Variants in CELF2 observed in about 807,000 individuals in gnomAD.
CELF2 encodes CUGBP Elav-like family member 2, also known as CUG triplet repeat RNA-binding protein 2.
CELF2 carries 8 observed loss-of-function variants against 62.6 expected under a neutral mutation model. The observed-to-expected ratio is 0.13, with a 90% CI of 0.07 to 0.23. The LOEUF (loss-of-function observed/expected upper bound fraction) is 0.23, where lower values mean the gene tolerates loss of function less well. Ranked by LOEUF, CELF2 falls within the 10% of genes least tolerant of loss-of-function variation. The pLI, the probability that CELF2 is intolerant of heterozygous loss-of-function variation, is 1.00. For missense variants in CELF2, 333 were observed against 671.0 expected, an observed-to-expected ratio of 0.50 and a Z score of 5.56; for synonymous variants, 258 against 250.0, an observed-to-expected ratio of 1.03 and a Z score of -0.30.
intron 1 of CELF2, among the ~76,000 whole-genome samples, chr10:11,134,370 A>T (rs1262285007): frequency 1.3e-5 from 2 of 152,192 alleles, no homozygotes; most frequent in African/African-American, 4.8e-5. Flanking sequence ...CTAAGGGCGG[A>T]TGAGTGTGGC....
intron 2 of CELF2, among the ~76,000 whole-genome samples, chr10:10,996,145 A>C (rs2053923071): frequency 6.6e-6 from 1 of 152,212 alleles, no homozygotes; most frequent in African/African-American, 2.4e-5. Flanking sequence ...ATTCAAAGAT[A>C]TCTTCAAAAT....
In CELF2 at chr10:11,260,646, T is replaced by C. The variant is rs2080232376; in HGVS notation, c.538+2774T>C. Among the ~76,000 whole-genome samples the C allele has an allele frequency of 6.7e-6, 1 of 150,326 alleles. No homozygotes were observed. The highest frequency in any genetic ancestry group is 1.5e-5 in the Non-Finnish European group (1 of 67,780). ...AGAGGAGAAAACTTTTCCCTCCCCA[T>C]CTGTTTTTTTTTTTTTTAAACAGCA... On this transcript the variant is annotated intron_variant, in intron 5 of 12. Coordinates refer to ENST00000633077, the MANE Select transcript of CELF2 (RefSeq NM_001326342.2). The surrounding 1 kb of genome is among the most constrained non-coding windows in gnomAD (Gnocchi z 4.2).
At chr10:10,965,735 A>G (rs2050053620) in intron 2 of CELF2, among the ~76,000 whole-genome samples, 1 of 152,208 alleles carries the variant, frequency 6.6e-6, no homozygotes. Flanking sequence ...CTAAACCCAC[A>G]AGTTAAAAGA....
the CELF2 span, among the ~76,000 whole-genome samples, chr10:10,792,939 C>T: frequency 6.6e-6 from 1 of 152,188 alleles, no homozygotes; most frequent in African/African-American, 2.4e-5. Flanking sequence ...ATTCCCCTTC[C>T]CCTGGCTTTA....
chr10:10,594,315 G>A, the CELF2 span, among the ~76,000 whole-genome samples: 2 of 152,172 alleles, frequency 1.3e-5, no homozygotes, highest in Admixed American at 6.5e-5. Context: ...GAAAGAAAAA[G>A]TGATTATTTC....
rs372576551 is a variant in CELF2 at position 11,311,440 on chromosome 10, CA to C, written c.977-2691del. 4.0e-5 allele frequency among the ~76,000 whole-genome samples: 6 copies of C among 151,300 alleles called. No individual in the cohort carries two copies. The highest frequency in any genetic ancestry group is 6.6e-5 in the Admixed American group (1 of 15,184). On this transcript the variant is annotated intron_variant, in intron 9 of 12. Transcript: ENST00000633077. This position sits in a 1 kb window ranked among gnomAD's most constrained non-coding sequence, Gnocchi z 4.7. The stretch of plus-strand genomic sequence containing the variant: ...GTTCCAAGATATTTAAGCTCACAAC[CA>C]AAAAAAACCCCACAAAATATACAAG...
chr10:10,556,602 C>T, the CELF2 span, among the ~76,000 whole-genome samples: 5 of 152,224 alleles, frequency 3.3e-5, no homozygotes, highest in South Asian at 6.2e-4. Flanking sequence ...CCTGAGGAGT[C>T]GCCACGCTGA....
chr10:10,853,042 A>C (rs1278230512), intron 1 of CELF2, among the ~76,000 whole-genome samples: 3 of 152,198 alleles, frequency 2.0e-5, no homozygotes, highest in Non-Finnish European at 4.4e-5. Flanking sequence ...GCAGTGGTGC[A>C]GTCTTGGCTC....
chr10:11,046,667 TAAC>T lies in CELF2; in HGVS notation c.74+28506_74+28508del, dbSNP rs955527932. ...CTAACTCATTTCAGACGGACGCTAA[TAAC>T]AGCCCGCAGAACCCTCAGGACCCAT... On this transcript the variant is annotated intron_variant, in intron 1 of 12. Transcript: ENST00000633077. The surrounding 1 kb of genome is among the most constrained non-coding windows in gnomAD (Gnocchi z 4.6). Among the ~76,000 whole-genome samples, 2 of 152,172 alleles carry T rather than the reference TAAC, an allele frequency of 1.3e-5. No homozygotes were observed. The highest frequency in any genetic ancestry group is 4.8e-5 in the African/African-American group (2 of 41,434).
At chr10:10,619,769 G>C in the CELF2 span, among the ~76,000 whole-genome samples, 2 of 152,198 alleles carry the variant, frequency 1.3e-5, no homozygotes, top group Admixed American at 6.5e-5. Flanking sequence ...ATTTTCCTAA[G>C]GGTTTGGGGG....
chr10:10,508,660 A>ATGTATGTGTGTGTGTG, the CELF2 span, among the ~76,000 whole-genome samples: 6 of 140,796 alleles, frequency 4.3e-5, no homozygotes, highest in South Asian at 2.2e-4. Flanking sequence ...TCTTAAACAG[A>ATGTATGTGTGTGTGTG]TGTGTGTGTG....
intron 1 of CELF2, among the ~76,000 whole-genome samples, chr10:11,065,213 G>A (rs1193674283): frequency 6.6e-6 from 1 of 152,196 alleles, no homozygotes; most frequent in African/African-American, 2.4e-5. Flanking sequence ...CCACGAGTTT[G>A]ATGATTGCCG....
intron 11 of CELF2, among the ~76,000 whole-genome samples, chr10:11,325,016 CAT>C (rs1260905701): frequency 2.6e-5 from 4 of 152,116 alleles, no homozygotes; most frequent in Non-Finnish European, 5.9e-5. Context: ...ACATGGTGCT[CAT>C]ATGGGTGGGG....
chr10:11,092,543 A>G (rs1370134151), intron 1 of CELF2: 1 of 152,242 alleles, frequency 6.6e-6, no homozygotes, highest in African/African-American at 2.4e-5. Context: ...AACAGGGAGA[A>G]CTGTGTTTTT....
chr10:10,749,578 G>C, the CELF2 span, among the ~76,000 whole-genome samples: 1 of 152,108 alleles, frequency 6.6e-6, no homozygotes, highest in Non-Finnish European at 1.5e-5. Flanking sequence ...TCATAGAATG[G>C]GATGTTAAGC....
intron 1 of CELF2, among the ~76,000 whole-genome samples, chr10:10,822,358 G>T (rs936665730): frequency 2.6e-5 from 4 of 152,162 alleles, no homozygotes; most frequent in Non-Finnish European, 4.4e-5. Flanking sequence ...GGCAAATTCT[G>T]CAGTAAAGGA....
chr10:11,244,156 A>G lies in CELF2; in HGVS notation c.355-4997A>G, dbSNP rs73579378. On this transcript the variant is annotated intron_variant, in intron 3 of 12. Coordinates refer to ENST00000633077, the MANE Select transcript of CELF2 (RefSeq NM_001326342.2). This position sits in a 1 kb window ranked among gnomAD's most constrained non-coding sequence, Gnocchi z 4.2. ...GTTGAGAAGCAACAGTTCTGACCCCACTCATTTCATCATTAGCTCTTGAGA... is the reference window on the plus strand; with the variant it reads ...GTTGAGAAGCAACAGTTCTGACCCCGCTCATTTCATCATTAGCTCTTGAGA... Among the ~76,000 whole-genome samples the G allele has an allele frequency of 4.7e-3, 723 of 152,262 alleles. 4 individuals carry two copies. The highest frequency in any genetic ancestry group is 0.016 in the African/African-American group (683 of 41,554).
the CELF2 span, among the ~76,000 whole-genome samples, chr10:10,775,623 A>AT: frequency 2.3e-4 from 33 of 144,970 alleles, no homozygotes; most frequent in South Asian, 4.5e-4. Context: ...CAAAAAAAAA[A>AT]AAATATATAT....
chr10:10,734,274 T>C, the CELF2 span, among the ~76,000 whole-genome samples: 1 of 152,234 alleles, frequency 6.6e-6, no homozygotes, highest in East Asian at 1.9e-4. Flanking sequence ...ATAGCACATA[T>C]ATTGAGGATT....
Sources: allele counts gnomAD v4.1 joint callset (sites outside exome capture counted in the v4.1 genomes callset), GRCh38; gene constraint gnomAD v4.1.1; non-coding constraint Gnocchi (gnomAD v3.1); transcripts MANE v1.5; gene names NCBI Gene and HGNC (gene_info 2026-07-23, HGNC 2026-07-21).